Variants in GUCD1 observed in about 807,000 individuals in gnomAD.
The protein encoded by GUCD1 is protein GUCD1.
GUCD1 carries 17 observed loss-of-function variants against 28.3 expected under a neutral mutation model. The ratio of observed to expected loss-of-function variants is 0.60; its 90% CI spans 0.41 to 0.90. The LOEUF is 0.90. Among genes scored for constraint, GUCD1 ranks in the 40% least tolerant of loss-of-function variants. The pLI is 0.00. For missense variants in GUCD1, 279 were observed against 305.5 expected, an observed-to-expected ratio of 0.91 and a Z score of 0.65; for synonymous variants, 129 against 123.3, an observed-to-expected ratio of 1.05 and a Z score of -0.30.
Position 24,541,752 on chromosome 22 carries a change from G to T in GUCD1, c.*1254C>A, listed in dbSNP as rs968750960. ...GGCCAGCTGCCTCGTCAGCTGCCTC[G>T]TCTGAGAGGTGAAGGGGCAGGTACT... On this transcript the variant is annotated 3_prime_UTR_variant, in exon 6 of 6. Coordinates refer to ENST00000435822, the MANE Select transcript of GUCD1 (RefSeq NM_001284254.2). 1.3e-5 allele frequency: 2 copies of T among 152,158 alleles called. No homozygotes were observed. Among genetic ancestry groups the T allele is most frequent in the African/African-American group, 4.8e-5 (2 of 41,434 alleles). 9.4% of individuals were successfully genotyped at this position (152,158 alleles called of 1,614,324 possible). A position where few individuals can be genotyped will look rare whatever the true frequency, so the allele number is the denominator to read the frequency against.
intron 1 of GUCD1, among the ~76,000 whole-genome samples, chr22:24,550,666 T>C (rs1024999748): frequency 9.9e-5 from 15 of 152,282 alleles, no homozygotes; most frequent in African/African-American, 3.6e-4. Flanking sequence ...CTCACTTCCC[T>C]GTGTGCGCCA....
At chr22:24,543,683 C>T (rs1191466182) in intron 5 of GUCD1, among the ~76,000 whole-genome samples, 159 bp downstream of exon 5, 2 of 151,836 alleles carry the variant, frequency 1.3e-5, no homozygotes, top group African/African-American at 4.8e-5. Context: ...TGAGGGGTGG[C>T]CACAGTGACA....
chr22:24,549,304 A>T (rs897043241), intron 1 of GUCD1, among the ~76,000 whole-genome samples: 1 of 152,176 alleles, frequency 6.6e-6, no homozygotes, highest in African/African-American at 2.4e-5. Flanking sequence ...TTTGCTTGTC[A>T]TAATCCCTCA....
chr22:24,543,943 C>T lies in GUCD1; in HGVS notation c.527G>A (p.Cys176Tyr), dbSNP rs1298619947. 1 of 1,614,042 alleles carries T rather than the reference C, an allele frequency of 6.2e-7. No homozygotes were observed. Among genetic ancestry groups the T allele is most frequent in the Non-Finnish European group, 8.5e-7 (1 of 1,179,970 alleles). ...CTGGTAGTCAGGAGTGCGGCAGAAG[C>T]AGTGGTGGCCACTGGGGGTGAAGCA... ...YCCFTPSGHHCFCRTPDYQGH... is the reference protein window; with the variant it reads ...YCCFTPSGHHYFCRTPDYQGH... Residue 176 changes from cysteine to tyrosine, a missense_variant, in exon 5 of 6, where the codon TGC (cysteine) becomes TAC (tyrosine). By Grantham distance (194) the Cys-to-Tyr change is radical. Coordinates refer to ENST00000435822, the MANE Select transcript of GUCD1 (RefSeq NM_001284254.2).
upstream of GUCD1, chr22:24,555,560 C>G: frequency 1.3e-6 from 2 of 1,536,054 alleles, no homozygotes; most frequent in Non-Finnish European, 1.8e-6. Flanking sequence ...CCGCTCTACT[C>G]TATACCTAAC....
upstream of GUCD1, chr22:24,555,214 C>CA: frequency 1.5e-6 from 2 of 1,308,816 alleles, no homozygotes; most frequent in Non-Finnish European, 1.9e-6. Context: ...GGCCCCGCCC[C>CA]AAACTTTGAT....
intron 2 of GUCD1, 52 bp downstream of exon 2, chr22:24,548,865 G>A: frequency 7.2e-7 from 1 of 1,382,234 alleles, no homozygotes; most frequent in East Asian, 2.5e-5. Flanking sequence ...CCAAGCCAGA[G>A]CAGAAGATGT....
Position 24,541,124 on chromosome 22 carries a change from G to C in GUCD1, c.*1882C>G, listed in dbSNP as rs1199556134. ...CAGTCTAGAGCCAACACCGGTCTCT[G>C]AAACCCAGAAGGGCTGCCCAACTAA... On this transcript the variant is annotated 3_prime_UTR_variant, in exon 6 of 6. Transcript: ENST00000435822. 2 of 169,302 alleles carry C rather than the reference G, an allele frequency of 1.2e-5. No homozygotes were observed. Among genetic ancestry groups the C allele is most frequent in the East Asian group, 1.9e-4 (1 of 5,208 alleles). The allele number at this position is 169,302 out of a possible 1,614,324, so 10.5% of individuals were successfully genotyped here.
chr22:24,547,990 AGGTCGAT>A lies in GUCD1; in HGVS notation c.205_211del (p.Ile69TrpfsTer4). The A allele has an allele frequency of 7.4e-6, 12 of 1,614,182 alleles. No homozygotes were observed. Among genetic ancestry groups the A allele is most frequent in the Non-Finnish European group, 1.0e-5 (12 of 1,180,014 alleles). Reference sequence around the variant, plus strand: ...GCCAAAGTGGTGCATCAGGTAGGCCAGGTCGATGGTCCAGATGCTCCTGGTCAGCTGC... The same window carrying A: ...GCCAAAGTGGTGCATCAGGTAGGCCAGGTCCAGATGCTCCTGGTCAGCTGC... On this transcript the variant is annotated frameshift_variant, in exon 3 of 6. Coordinates refer to ENST00000435822, the MANE Select transcript of GUCD1 (RefSeq NM_001284254.2). LOFTEE classifies it high-confidence loss of function.
At chr22:24,547,136 A>AGAC in intron 3 of GUCD1, 131 bp from the exon 4 acceptor site, 1 of 700,914 alleles carries the variant, frequency 1.4e-6, no homozygotes, top group Non-Finnish European at 2.6e-6. Flanking sequence ...CTGCCAGGGC[A>AGAC]GACGGTACAT....
chr22:24,548,579 G>A (rs2044789638), intron 2 of GUCD1, among the ~76,000 whole-genome samples: 1 of 152,192 alleles, frequency 6.6e-6, no homozygotes, highest in Non-Finnish European at 1.5e-5. Context: ...CACAGCCTCA[G>A]CTTAACGGTC....
Position 24,544,080 on chromosome 22 carries a change from T to C in GUCD1, c.390A>G (p.Thr130=), listed in dbSNP as rs2044663882. ...GCGCCTGGATGTCCTTCACACTCACTGTGCTGTGGGCGGGAGGGGGGTCAG... is the reference window on the plus strand; with the variant it reads ...GCGCCTGGATGTCCTTCACACTCACCGTGCTGTGGGCGGGAGGGGGGTCAG... ...KACKVLVEKC[T]VSVKDIQAHL... Residue 130 remains threonine, a synonymous_variant, in exon 5 of 6, where the codon ACA becomes ACG. Transcript: ENST00000435822. The C allele has an allele frequency of 6.2e-7, 1 of 1,606,196 alleles. No individual in the cohort carries two copies. The highest frequency in any genetic ancestry group is 8.5e-7 in the Non-Finnish European group (1 of 1,173,574).
chr22:24,544,267 TG>T (rs374818777), intron 4 of GUCD1, among the ~76,000 whole-genome samples, 184 bp from the exon 5 acceptor site: 3 of 150,426 alleles, frequency 2.0e-5, no homozygotes, highest in Admixed American at 2.0e-4. Flanking sequence ...AGGAGACCGG[TG>T]GGGGGGGTGT....
upstream of GUCD1, chr22:24,555,290 C>T (rs1042382000): frequency 7.2e-7 from 1 of 1,388,078 alleles, no homozygotes; most frequent in African/African-American, 1.5e-5. Context: ...CGTTGAGTGG[C>T]CCCACCCTCT....
chr22:24,555,190 C>A (rs2045017772), upstream of GUCD1: 1 of 1,301,628 alleles, frequency 7.7e-7, no homozygotes, highest in South Asian at 2.4e-5. Flanking sequence ...TCTGGAGGCC[C>A]CGCCCCCTCC....
intron 4 of GUCD1, among the ~76,000 whole-genome samples, chr22:24,546,259 C>G (rs1269211519): frequency 6.6e-6 from 1 of 152,256 alleles, no homozygotes; most frequent in Non-Finnish European, 1.5e-5. Flanking sequence ...CCGCGCCCGG[C>G]CCCCAAACCC....
At chr22:24,543,325 G>A (rs1218727322) in intron 5 of GUCD1, among the ~76,000 whole-genome samples, 1 of 152,200 alleles carries the variant, frequency 6.6e-6, no homozygotes, top group Non-Finnish European at 1.5e-5. Context: ...CCAGAGAGGG[G>A]CAGAAACGTG....
upstream of GUCD1, chr22:24,555,874 C>T (rs2045050657): frequency 2.6e-6 from 4 of 1,521,900 alleles, no homozygotes; most frequent in African/African-American, 2.8e-5. Flanking sequence ...CCCTAGTTTC[C>T]CAGCCGGCAG....
In GUCD1 at chr22:24,548,081, T is replaced by C. The variant is rs2147085566; in HGVS notation, c.129-8A>G. 6.2e-7 allele frequency: 1 copy of C among 1,613,048 alleles called. No homozygotes were observed. Among genetic ancestry groups the C allele is most frequent in the South Asian group, 1.1e-5 (1 of 91,070 alleles). On this transcript the variant is annotated splice_region_variant and splice_polypyrimidine_tract_variant and intron_variant, in intron 2 of 5. Transcript: ENST00000435822. Reference sequence around the variant, plus strand: ...TCCAGCTGGCCCAGGTACCTGCAGGTAGACGAGCTGGGGAGCTCAGCTTGG... The same window carrying C: ...TCCAGCTGGCCCAGGTACCTGCAGGCAGACGAGCTGGGGAGCTCAGCTTGG...
Sources: gnomAD v4.1 joint callset for allele counts (sites outside exome capture counted in the v4.1 genomes callset) on GRCh38, gnomAD v4.1.1 for gene constraint, MANE v1.5 for transcripts, NCBI Gene and HGNC (gene_info 2026-07-23, HGNC 2026-07-21) for gene names.